HS3ST4: variants seen among roughly 807,000 people sequenced by gnomAD.
The protein encoded by HS3ST4 is heparan sulfate-glucosamine 3-sulfotransferase 4.
HS3ST4 carries 17 observed loss-of-function variants against 29.2 expected under a neutral mutation model. The observed-to-expected ratio is 0.58, with a 90% confidence interval of 0.40 to 0.87. The LOEUF (loss-of-function observed/expected upper bound fraction) is 0.87. HS3ST4 is among the 40% of genes least tolerant of loss of function. The pLI is 0.00. For synonymous variants in HS3ST4, 314 were observed against 285.7 expected, an observed-to-expected ratio of 1.10 and a Z score of -1.00; for missense variants, 627 against 634.5, an observed-to-expected ratio of 0.99 and a Z score of 0.13.
intron 1 of HS3ST4, among the ~76,000 whole-genome samples, chr16:25,999,894 ATT>A: frequency 9.6e-6 from 1 of 103,722 alleles, no homozygotes; most frequent in South Asian, 3.1e-4. Flanking sequence ...ATATATATAT[ATT>A]TTATATATAT....
At chr16:25,906,143 T>C (rs887417136) in intron 1 of HS3ST4, among the ~76,000 whole-genome samples, 5 of 152,174 alleles carry the variant, frequency 3.3e-5, no homozygotes, top group Non-Finnish European at 5.9e-5. Flanking sequence ...AGAGGCATAA[T>C]TGGCAATTTG....
At chr16:25,984,918 G>A (rs780775588) in intron 1 of HS3ST4, among the ~76,000 whole-genome samples, 12 of 152,226 alleles carry the variant, frequency 7.9e-5, no homozygotes, top group Admixed American at 1.3e-4. Flanking sequence ...GGCAAGGTGT[G>A]GCAGGCAAAC....
At chr16:26,121,746 T>C (rs1042150223) in intron 1 of HS3ST4, among the ~76,000 whole-genome samples, 11 of 152,168 alleles carry the variant, frequency 7.2e-5, no homozygotes, top group African/African-American at 2.4e-4. Context: ...GAGACCTCCA[T>C]AATCATCATT....
At chr16:26,114,771 G>A (rs185656536) in intron 1 of HS3ST4, among the ~76,000 whole-genome samples, 1 of 152,278 alleles carries the variant, frequency 6.6e-6, no homozygotes, top group East Asian at 1.9e-4. Flanking sequence ...TGCATGGTGA[G>A]TGGGAACAAA....
chr16:25,866,401 A>G (rs144316798), intron 1 of HS3ST4, among the ~76,000 whole-genome samples: 4,305 of 152,324 alleles, frequency 0.028, 99 homozygotes, highest in Middle Eastern at 0.058. Context: ...ACTTGGAACC[A>G]ACCCAAAAGC....
At chr16:25,928,035 C>CAAGACA (rs1968424410) in intron 1 of HS3ST4, among the ~76,000 whole-genome samples, 1 of 50,930 alleles carries the variant, frequency 2.0e-5, no homozygotes, top group Non-Finnish European at 3.8e-5. Flanking sequence ...CCCATCTCGA[C>CAAGACA]AAAAAAAAAA....
intron 1 of HS3ST4, among the ~76,000 whole-genome samples, chr16:25,832,568 G>A (rs974027704): frequency 2.6e-5 from 4 of 152,182 alleles, no homozygotes; most frequent in Non-Finnish European, 5.9e-5. Context: ...TAAGAACAAG[G>A]TGCTGTATAT....
chr16:25,923,105 C>T (rs1336828375), intron 1 of HS3ST4, among the ~76,000 whole-genome samples: 1 of 152,198 alleles, frequency 6.6e-6, no homozygotes, highest in East Asian at 1.9e-4. Context: ...TTTTATTACT[C>T]TTGCTTCTTC....
rs531134204 is a variant in HS3ST4, at chr16:26,075,705, G to T, written c.735-59907G>T. 3.3e-5 allele frequency among the ~76,000 whole-genome samples: 5 copies of T among 152,188 alleles called. No homozygotes were observed. The East Asian group carries it at 7.7e-4, about 24-fold the overall frequency. On this transcript the variant is annotated intron_variant, in intron 1 of 1. Transcript: ENST00000331351. ...TGGGGTATAAATATGCTTGGAATCC[G>T]TTTTTCTTAAATACATTGCCTGATA...
intron 1 of HS3ST4, among the ~76,000 whole-genome samples, chr16:25,870,625 A>AG (rs11458293): frequency 0.086 from 13,036 of 152,186 alleles, 1,820 homozygotes; most frequent in African/African-American, 0.29. Flanking sequence ...GACCATTGTG[A>AG]GACTTTTTAG....
intron 1 of HS3ST4, among the ~76,000 whole-genome samples, chr16:25,727,643 G>A (rs1179634038): frequency 6.6e-6 from 1 of 152,086 alleles, no homozygotes; most frequent in African/African-American, 2.4e-5. Context: ...CTTCTACAAT[G>A]CCCCATTCAC....
chr16:25,895,990 G>A (rs1375204827), intron 1 of HS3ST4, among the ~76,000 whole-genome samples: 5 of 152,058 alleles, frequency 3.3e-5, no homozygotes, highest in Admixed American at 3.3e-4. Context: ...TAATGTCCAC[G>A]GCCCTGGTGA....
chr16:26,074,502 C>T (rs902151148), intron 1 of HS3ST4, among the ~76,000 whole-genome samples: 1 of 152,176 alleles, frequency 6.6e-6, no homozygotes, highest in East Asian at 1.9e-4. Flanking sequence ...TCGAATGTCG[C>T]TGTGATGTCT....
intron 1 of HS3ST4, among the ~76,000 whole-genome samples, chr16:25,751,266 T>G (rs1225420673): frequency 6.6e-6 from 1 of 152,132 alleles, no homozygotes; most frequent in Non-Finnish European, 1.5e-5. Flanking sequence ...CGGATGTGGA[T>G]GGATGTGTGT....
At chr16:25,984,053 G>T (rs4073228) in intron 1 of HS3ST4, among the ~76,000 whole-genome samples, 1 of 152,116 alleles carries the variant, frequency 6.6e-6, no homozygotes, top group African/African-American at 2.4e-5. Flanking sequence ...TCTCCAGCAT[G>T]TGTCATTTCT....
chr16:26,013,813 T>G (rs192590506), intron 1 of HS3ST4, among the ~76,000 whole-genome samples: 89 of 151,958 alleles, frequency 5.9e-4, no homozygotes, highest in African/African-American at 2.1e-3. Context: ...ATCGAGACCA[T>G]CCTGGCCAAC....
At chr16:25,993,714 A>G (rs12919794) in intron 1 of HS3ST4, among the ~76,000 whole-genome samples, 36,902 of 151,706 alleles carry the variant, frequency 0.24, 6,083 homozygotes, top group Non-Finnish European at 0.36. Context: ...TATGCACTCG[A>G]TAAATGTCAG....
At chr16:25,746,515 C>T (rs968624210) in intron 1 of HS3ST4, among the ~76,000 whole-genome samples, 10 of 150,492 alleles carry the variant, frequency 6.6e-5, no homozygotes, top group African/African-American at 2.2e-4. Flanking sequence ...GGCGATAAAA[C>T]TTTGAGTCAA....
chr16:26,126,963 A>C (rs1366341213), intron 1 of HS3ST4, among the ~76,000 whole-genome samples: 1 of 152,074 alleles, frequency 6.6e-6, no homozygotes, highest in Non-Finnish European at 1.5e-5. Context: ...GGAGATAAAA[A>C]TTAGCCGGAC....
Sources: allele counts gnomAD v4.1 joint callset (sites outside exome capture counted in the v4.1 genomes callset), GRCh38; gene constraint gnomAD v4.1.1; transcripts MANE v1.5; gene names NCBI Gene and HGNC (gene_info 2026-07-23, HGNC 2026-07-21).